PTPRS: variants seen among roughly 807,000 people sequenced by gnomAD.
The protein encoded by PTPRS is protein tyrosine phosphatase receptor type S, also known as receptor-type tyrosine-protein phosphatase S.
PTPRS carries 63 observed loss-of-function variants against 215.3 expected under a neutral mutation model. The observed-to-expected ratio is 0.29, with a 90% CI of 0.24 to 0.36. The LOEUF is 0.36. PTPRS is among the 10% of genes least tolerant of loss of function. The pLI is 1.00. For synonymous variants in PTPRS, 1,404 were observed against 1,191.4 expected, an observed-to-expected ratio of 1.18 and a Z score of -3.68; for missense variants, 2,258 against 2,825.8, an observed-to-expected ratio of 0.80 and a Z score of 4.56.
rs1297725382 is a variant in PTPRS, at chr19:5,315,364, T to C, written c.-95+25300A>G. ...TATTTGAAAAGGGTTTTTTTTTTTT[T>C]TTTTTTTTTTTTTTTTTGAGACAGA... is the stretch of plus-strand genomic sequence containing the variant. On this transcript the variant is annotated intron_variant, in intron 1 of 37. Transcript: ENST00000262963. Among the ~76,000 whole-genome samples, 58 of 124,880 alleles carry C rather than the reference T, an allele frequency of 4.6e-4. 3 individuals are homozygous for C. Among genetic ancestry groups the C allele is most frequent in the Middle Eastern group, 7.2e-3 (2 of 278 alleles). The allele number at this position is 124,880 out of a possible 152,430, so 81.9% of individuals were successfully genotyped here.
intron 1 of PTPRS, among the ~76,000 whole-genome samples, chr19:5,326,489 T>G (rs544208159): frequency 6.6e-6 from 1 of 152,246 alleles, no homozygotes; most frequent in East Asian, 1.9e-4. Flanking sequence ...CAAAGTTTTC[T>G]CTTTTACGTT....
At chr19:5,243,140 T>G (rs966190849) in intron 11 of PTPRS, among the ~76,000 whole-genome samples, 1 of 151,308 alleles carries the variant, frequency 6.6e-6, no homozygotes, top group Non-Finnish European at 1.5e-5. Flanking sequence ...TTTTTTTTTT[T>G]AATTTAATTT....
intron 1 of PTPRS, among the ~76,000 whole-genome samples, chr19:5,313,359 A>T (rs2049769533): frequency 6.6e-6 from 1 of 152,214 alleles, no homozygotes; most frequent in Non-Finnish European, 1.5e-5. Context: ...AGATGGTGAG[A>T]CTTAAGAGAG....
At position 5,295,005 on chromosome 19, in the gene PTPRS, G is replaced by A. The variant is rs947624983; in HGVS notation, c.-94-8771C>T. On this transcript the variant is annotated intron_variant, in intron 1 of 37. Transcript: ENST00000262963. This position sits in a 1 kb window ranked among gnomAD's most constrained non-coding sequence, Gnocchi z 4.6. ...GGAGGTTCCCTGTGTCAATGTAGGC[G>A]TAGGAGCAACCAGCGTGACCTCCCC... Among the ~76,000 whole-genome samples the A allele has an allele frequency of 1.3e-5, 2 of 152,236 alleles. No individual in the cohort carries two copies. The highest frequency in any genetic ancestry group is 1.9e-4 in the East Asian group (1 of 5,200).
rs1167581020 is a variant in PTPRS, at chr19:5,223,210, T to G, written c.2582A>C (p.Asp861Ala). ...CTGCAGGCGGTAGCCCAGCACCTGG[T>G]CCTCCGCGGTGCCAGCCGGGGGCTC... ...RWEPPAGTAE[D>A]QVLGYRLQFG... Residue 861 changes from aspartate to alanine, a missense_variant, in exon 18 of 38, where the codon GAC becomes GCC. By Grantham distance (126) the Asp-to-Ala change is moderately radical (BLOSUM62 -2). Around this residue, in one of 6 missense-constraint regions of PTPRS, gnomAD observed 361 missense variants for 332.6 expected, o/e 1.09. Coordinates refer to ENST00000262963, the MANE Select transcript of PTPRS (RefSeq NM_002850.4). 1 of 1,515,990 alleles carries G rather than the reference T, an allele frequency of 6.6e-7. No individual in the cohort carries two copies. The highest frequency in any genetic ancestry group is 2.5e-5 in the East Asian group (1 of 40,592). 93.9% of individuals were successfully genotyped at this position (1,515,990 alleles called of 1,614,324 possible). A position where few individuals can be genotyped will look rare whatever the true frequency, so the allele number is the denominator to read the frequency against.
At chr19:5,221,340 C>T in intron 19 of PTPRS, 87 bp from the exon 20 acceptor site, 3 of 1,511,944 alleles carry the variant, frequency 2.0e-6, no homozygotes, top group South Asian at 1.3e-5. Flanking sequence ...CCCACCCTGA[C>T]TGAGCCCTGA....
intron 19 of PTPRS, 70 bp downstream of exon 19, chr19:5,222,053 G>A (rs568746908): frequency 5.6e-5 from 72 of 1,293,798 alleles, no homozygotes; most frequent in African/African-American, 2.5e-4. Context: ...TCCAAACTGA[G>A]CCTTAAGCCC....
At chr19:5,330,265 G>A (rs1453704812) in intron 1 of PTPRS, among the ~76,000 whole-genome samples, 1 of 152,126 alleles carries the variant, frequency 6.6e-6, no homozygotes, top group Non-Finnish European at 1.5e-5. Flanking sequence ...GTAAACCTGA[G>A]AAAGGGCTTG....
At chr19:5,306,147 G>A (rs2049486617) in intron 1 of PTPRS, among the ~76,000 whole-genome samples, 1 of 120,524 alleles carries the variant, frequency 8.3e-6, no homozygotes, top group African/African-American at 2.9e-5. Flanking sequence ...AATACAGGGT[G>A]ATTTTTTTTT....
intron 1 of PTPRS, among the ~76,000 whole-genome samples, chr19:5,314,232 T>A (rs1192083274): frequency 6.6e-6 from 1 of 152,200 alleles, no homozygotes; most frequent in Non-Finnish European, 1.5e-5. Context: ...TTCCCTTCCA[T>A]GAACCTCAGT....
chr19:5,211,195 A>G (rs1054210586), intron 33 of PTPRS, among the ~76,000 whole-genome samples: 1 of 152,140 alleles, frequency 6.6e-6, no homozygotes, highest in Non-Finnish European at 1.5e-5. Context: ...GGATTTCTCA[A>G]TCTCAGTGCT....
At chr19:5,216,611 G>A (rs773835686) in intron 26 of PTPRS, 109 bp downstream of exon 26, 27 of 965,664 alleles carry the variant, frequency 2.8e-5, no homozygotes, top group South Asian at 4.6e-5. Flanking sequence ...GGCAAAGGCC[G>A]GTGATGGGTG....
rs2044305106 is a variant in PTPRS, at chr19:5,244,535, T to C, written c.989-53A>G. On this transcript the variant is annotated intron_variant, in intron 10 of 37. Transcript: ENST00000262963. The surrounding 1 kb of genome is among the most constrained non-coding windows in gnomAD (Gnocchi z 7.2). ...CATTGGGCACATTGGTTGAGGACCC[T>C]GAAGGCTGTGTGACTTTTCACCATT... The C allele has an allele frequency of 6.8e-6, 10 of 1,461,490 alleles. No individual in the cohort carries two copies. The South Asian group carries it at 1.1e-4, about 17-fold the overall frequency. 90.5% of individuals were successfully genotyped at this position (1,461,490 alleles called of 1,614,324 possible).
intron 1 of PTPRS, among the ~76,000 whole-genome samples, chr19:5,311,909 A>G (rs1295837130): frequency 3.9e-5 from 6 of 152,042 alleles, no homozygotes; most frequent in Non-Finnish European, 5.9e-5. Context: ...GCGGGGTGGC[A>G]GGCACCTGTA....
At chr19:5,278,034 A>G in intron 2 of PTPRS, 3 of 1,198,618 alleles carry the variant, frequency 2.5e-6, no homozygotes, top group Admixed American at 1.8e-5. Context: ...GATCGCTCAC[A>G]GTGTTTCCTC....
chr19:5,274,127 T>G, intron 3 of PTPRS, 72 bp downstream of exon 3: 1 of 1,549,174 alleles, frequency 6.5e-7, no homozygotes, highest in Non-Finnish European at 8.8e-7. Context: ...CGAAGTCCAC[T>G]GTGGCTGAGG....
Position 5,332,551 on chromosome 19 carries a change from C to T in PTPRS, c.-95+8113G>A, listed in dbSNP as rs1032607288. ...AAGAAGCCTTTTTGGCCCATACGAC[C>T]CGCTGGAGTGGAGACTCCAGCCCTG... On this transcript the variant is annotated intron_variant, in intron 1 of 37. Coordinates refer to ENST00000262963, the MANE Select transcript of PTPRS (RefSeq NM_002850.4). Among the ~76,000 whole-genome samples, 9 of 152,310 alleles carry T rather than the reference C, an allele frequency of 5.9e-5. No individual in the cohort carries two copies. In the South Asian group the frequency reaches 1.2e-3, roughly 21 times the overall value.
chr19:5,251,217 C>T (rs1402054744), intron 9 of PTPRS, among the ~76,000 whole-genome samples: 1 of 152,084 alleles, frequency 6.6e-6, no homozygotes, highest in Non-Finnish European at 1.5e-5. Flanking sequence ...CGCCCCTCAG[C>T]CCACCTGCGT....
intron 1 of PTPRS, among the ~76,000 whole-genome samples, chr19:5,303,777 C>T (rs530216838): frequency 6.6e-6 from 1 of 150,506 alleles, no homozygotes; most frequent in Non-Finnish European, 1.5e-5. Context: ...TGGTGAAACC[C>T]TGTCTCTACT....
Sources: allele counts gnomAD v4.1 joint callset (sites outside exome capture counted in the v4.1 genomes callset), GRCh38; gene constraint gnomAD v4.1.1; regional missense constraint gnomAD v4.1.1; non-coding constraint Gnocchi (gnomAD v3.1); transcripts MANE v1.5; gene names NCBI Gene and HGNC (gene_info 2026-07-23, HGNC 2026-07-21).